The following FAM135B variants were observed in gnomAD, a reference collection of about 807,000 sequenced individuals.
FAM135B encodes the protein protein FAM135B.
Under a neutral mutation model 127.7 loss-of-function variants are expected in FAM135B, and 43 were observed. The ratio of observed to expected loss-of-function variants is 0.34; its 90% CI spans 0.26 to 0.43. The LOEUF (loss-of-function observed/expected upper bound fraction) is 0.43, where lower values mean the gene tolerates loss of function less well. FAM135B is among the 20% of genes least tolerant of loss of function. FAM135B has a pLI of 1.00. For missense variants in FAM135B, 1,558 were observed against 1,725.6 expected (o/e 0.90, Z 1.72); for synonymous variants, 670 against 665.1 (o/e 1.01, Z -0.11).
rs367688143 is a variant in FAM135B, at chr8:138,151,903, G to C, written c.2572C>G (p.Gln858Glu). 47 of 1,613,892 alleles carry C rather than the reference G, an allele frequency of 2.9e-5. No homozygotes were observed. Among genetic ancestry groups the C allele is most frequent in the Non-Finnish European group, 3.7e-5 (44 of 1,179,918 alleles). ...PKGKGKQFDA[Q>E]GHCLPDGRTE... ...CTGCCATCAGGAAGACAGTGTCCTTGAGCATCAAACTGCTTCCCTTTCCCT... is the reference window on the plus strand; with the variant it reads ...CTGCCATCAGGAAGACAGTGTCCTTCAGCATCAAACTGCTTCCCTTTCCCT... The change falls in exon 13 of 20, where the codon CAA becomes GAA. Residue 858 changes from glutamine (Q) to glutamate (E), a missense_variant. This residue lies in a region of FAM135B where 923 missense variants were observed against 865.3 expected (regional missense o/e 1.07). Transcript: ENST00000395297.
intron 9 of FAM135B, among the ~76,000 whole-genome samples, chr8:138,180,082 C>T (rs1814864667): frequency 6.6e-6 from 1 of 152,124 alleles, no homozygotes; most frequent in Admixed American, 6.5e-5. Flanking sequence ...GACAGAAATG[C>T]TTTAGATAGC....
At chr8:138,480,083 T>C (rs1168709705) in intron 1 of FAM135B, among the ~76,000 whole-genome samples, 1 of 152,162 alleles carries the variant, frequency 6.6e-6, no homozygotes, top group Admixed American at 6.5e-5. Flanking sequence ...CAAACACAGC[T>C]AAACAACACG....
chr8:138,159,909 C>T (rs1475668841), intron 12 of FAM135B, among the ~76,000 whole-genome samples: 4 of 152,106 alleles, frequency 2.6e-5, no homozygotes, highest in Admixed American at 6.5e-5. Context: ...TGCTTAAACA[C>T]TATATGCTAA....
At chr8:138,310,720 C>G (rs746176632) in intron 3 of FAM135B, 121 bp downstream of exon 3, 14 of 839,718 alleles carry the variant, frequency 1.7e-5, no homozygotes, top group Admixed American at 3.0e-5. Context: ...CGCCATCCAA[C>G]ATTCACCACA....
chr8:138,140,381 G>A lies in FAM135B; in HGVS notation c.3790+817C>T, dbSNP rs935720840. On this transcript the variant is annotated intron_variant, in intron 17 of 19. Coordinates refer to ENST00000395297, the MANE Select transcript of FAM135B (RefSeq NM_015912.4). ...TGGGTTTGAACAATCAGGGACTACTGAGGTAGTTGTTAAGAACATGATTTA... is the reference window on the plus strand; with the variant it reads ...TGGGTTTGAACAATCAGGGACTACTAAGGTAGTTGTTAAGAACATGATTTA... Among the ~76,000 whole-genome samples the A allele has an allele frequency of 5.3e-5, 8 of 152,312 alleles. No individual in the cohort carries two copies. In the East Asian group the frequency reaches 7.7e-4, roughly 15 times the overall value.
intron 9 of FAM135B, 37 bp downstream of exon 9, chr8:138,195,221 C>T (rs201786295): frequency 1.6e-5 from 26 of 1,600,182 alleles, no homozygotes; most frequent in Non-Finnish European, 2.1e-5. Context: ...AAAACTACTG[C>T]CATTCATTCA....
intron 2 of FAM135B, among the ~76,000 whole-genome samples, chr8:138,366,667 T>G (rs909973241): frequency 6.6e-6 from 1 of 152,256 alleles, no homozygotes; most frequent in South Asian, 2.1e-4. Context: ...CTTAAGTAAG[T>G]AGGGGCCATA....
chr8:138,406,710 CCG>C (rs1348312602), intron 1 of FAM135B, among the ~76,000 whole-genome samples: 16 of 151,486 alleles, frequency 1.1e-4, no homozygotes, highest in African/African-American at 3.6e-4. Context: ...AATTCAACAA[CCG>C]TTCATGCTAA....
chr8:138,193,669 T>C (rs901121026), intron 9 of FAM135B, among the ~76,000 whole-genome samples: 6 of 152,148 alleles, frequency 3.9e-5, no homozygotes, highest in Admixed American at 2.0e-4. Flanking sequence ...CCTCAGGGGA[T>C]GGAGCCTGAG....
intron 1 of FAM135B, among the ~76,000 whole-genome samples, chr8:138,415,958 T>A (rs1834120981): frequency 6.6e-6 from 1 of 152,210 alleles, no homozygotes; most frequent in African/African-American, 2.4e-5. Flanking sequence ...TGTTCTTCCC[T>A]CAATGCCCTT....
intron 1 of FAM135B, among the ~76,000 whole-genome samples, chr8:138,377,751 T>C (rs908337550): frequency 6.6e-6 from 1 of 152,178 alleles, no homozygotes; most frequent in African/African-American, 2.4e-5. Flanking sequence ...GATTACCCTG[T>C]GAGAATGTGC....
chr8:138,439,878 C>T (rs1472693595), intron 1 of FAM135B: 3 of 152,296 alleles, frequency 2.0e-5, no homozygotes, highest in East Asian at 3.9e-4. Context: ...TGGCCAAGCA[C>T]TTTCCATCAC....
intron 3 of FAM135B, among the ~76,000 whole-genome samples, chr8:138,267,775 T>A (rs114903313): frequency 6.6e-6 from 1 of 152,344 alleles, no homozygotes; most frequent in East Asian, 1.9e-4. Flanking sequence ...TTTCCAAGGC[T>A]ACTCAGATGT....
At chr8:138,300,247 T>C (rs1046694954) in intron 3 of FAM135B, among the ~76,000 whole-genome samples, 58 of 133,044 alleles carry the variant, frequency 4.4e-4, no homozygotes, top group African/African-American at 1.6e-3. Context: ...CCTCCCACTG[T>C]GTGTTCCTTG....
intron 1 of FAM135B, among the ~76,000 whole-genome samples, chr8:138,454,650 A>G (rs1836678090): frequency 6.6e-6 from 1 of 152,184 alleles, no homozygotes; most frequent in Admixed American, 6.5e-5. Context: ...TTGATGAGGC[A>G]GGCAGGATTC....
intron 4 of FAM135B, 60 bp from the exon 5 acceptor site, chr8:138,256,819 T>C (rs2130547593): frequency 7.8e-7 from 1 of 1,274,582 alleles, no homozygotes; most frequent in Non-Finnish European, 1.1e-6. Flanking sequence ...AATGAAATAC[T>C]TAGCTGGTCT....
intron 1 of FAM135B, among the ~76,000 whole-genome samples, chr8:138,398,321 G>A (rs1366156451): frequency 1.3e-5 from 2 of 152,184 alleles, no homozygotes; most frequent in Non-Finnish European, 2.9e-5. Flanking sequence ...ATTTTCAAGG[G>A]TATAAGAGTG....
intron 1 of FAM135B, among the ~76,000 whole-genome samples, chr8:138,399,370 C>A (rs1198944181): frequency 2.0e-5 from 3 of 152,166 alleles, no homozygotes; most frequent in Non-Finnish European, 4.4e-5. Context: ...GTATTCAAAT[C>A]TAGTCAATCT....
intron 4 of FAM135B, among the ~76,000 whole-genome samples, chr8:138,262,580 T>A (rs1241418346): frequency 6.6e-6 from 1 of 152,024 alleles, no homozygotes; most frequent in Non-Finnish European, 1.5e-5. Flanking sequence ...AAAGGGGTGA[T>A]TTACAAAGTG....
Sources: allele counts gnomAD v4.1 joint callset (sites outside exome capture counted in the v4.1 genomes callset), GRCh38; gene constraint gnomAD v4.1.1; regional missense constraint gnomAD v4.1.1; transcripts MANE v1.5; gene names NCBI Gene and HGNC (gene_info 2026-07-23, HGNC 2026-07-21).